The following PDZRN3 variants were observed in gnomAD, a reference collection of about 807,000 sequenced individuals.
PDZRN3 encodes the protein E3 ubiquitin-protein ligase PDZRN3.
Under a neutral mutation model 85.7 loss-of-function variants are expected in PDZRN3, and 38 were observed. The observed-to-expected ratio is 0.44, with a 90% CI of 0.34 to 0.58. The LOEUF is 0.58. Ranked by LOEUF, PDZRN3 falls within the 20% of genes least tolerant of loss-of-function variation. The pLI, the probability that PDZRN3 is intolerant of heterozygous loss-of-function variation, is 0.01. For synonymous variants in PDZRN3, 759 were observed against 638.0 expected (o/e 1.19, Z -2.86); for missense variants, 1,629 against 1,506.4 (o/e 1.08, Z -1.35).
intron 3 of PDZRN3, among the ~76,000 whole-genome samples, chr3:73,452,860 T>TGC (rs1241271113): frequency 2.0e-5 from 3 of 151,786 alleles, no homozygotes; most frequent in African/African-American, 7.3e-5. Flanking sequence ...TGTGTGTGTG[T>TGC]GTGTGTGTGT....
intron 1 of PDZRN3, among the ~76,000 whole-genome samples, chr3:73,609,095 A>G (rs1025682311): frequency 1.3e-5 from 2 of 152,176 alleles, no homozygotes; most frequent in African/African-American, 2.4e-5. Context: ...AAAGGTTCAA[A>G]TAGCAATTCT....
At chr3:73,458,580 C>G (rs749098744) in intron 3 of PDZRN3, among the ~76,000 whole-genome samples, 1 of 148,764 alleles carries the variant, frequency 6.7e-6, no homozygotes, top group Non-Finnish European at 1.5e-5. Flanking sequence ...AGGAAACTGA[C>G]CTGCATGATC....
At chr3:73,448,648 GA>G (rs1387399924) in intron 3 of PDZRN3, among the ~76,000 whole-genome samples, 1 of 152,034 alleles carries the variant, frequency 6.6e-6, no homozygotes, top group Admixed American at 6.6e-5. Flanking sequence ...TTATTTAATA[GA>G]AGCTTCACAA....
Position 73,479,980 on chromosome 3 carries a change from C to G in PDZRN3, c.919-75585G>C, listed in dbSNP as rs980671854. Among the ~76,000 whole-genome samples the G allele has an allele frequency of 6.4e-5, 9 of 140,200 alleles. No homozygotes were observed. The South Asian group carries it at 2.3e-3, about 36-fold the overall frequency. The allele number at this position is 140,200 out of a possible 152,430, so 92.0% of individuals were successfully genotyped here. ...CAATTTCCAATACAGATACAGGCACCAGGTGTTCCAATAAACTCTTTTGTT... is the reference window on the plus strand; with the variant it reads ...CAATTTCCAATACAGATACAGGCACGAGGTGTTCCAATAAACTCTTTTGTT... On this transcript the variant is annotated intron_variant, in intron 3 of 9. Transcript: ENST00000263666.
intron 8 of PDZRN3, 124 bp downstream of exon 8, chr3:73,387,844 T>G: frequency 1.6e-6 from 1 of 609,308 alleles, no homozygotes. Context: ...CAAGTTTGAT[T>G]ACATTTCCAG....
intron 3 of PDZRN3, among the ~76,000 whole-genome samples, chr3:73,539,414 A>G (rs1704862722): frequency 1.3e-5 from 2 of 152,148 alleles, no homozygotes; most frequent in African/African-American, 4.8e-5. Context: ...CAAGAGGTGG[A>G]ATCGATTTCC....
At chr3:73,594,959 CA>C (rs1044349942) in intron 3 of PDZRN3, among the ~76,000 whole-genome samples, 26 of 152,224 alleles carry the variant, frequency 1.7e-4, no homozygotes, top group African/African-American at 5.5e-4. Flanking sequence ...CCAGAGATAG[CA>C]AATACACAGC....
intron 3 of PDZRN3, among the ~76,000 whole-genome samples, chr3:73,539,877 GATTA>G (rs910874703): frequency 2.0e-5 from 3 of 151,946 alleles, no homozygotes; most frequent in Non-Finnish European, 4.4e-5. Flanking sequence ...CAACTTTTAA[GATTA>G]ATTTAAAAAG....
rs551328165 is a variant in PDZRN3 at position 73,571,039 on chromosome 3, G to T, written c.918+31315C>A. On this transcript the variant is annotated intron_variant, in intron 3 of 9. Transcript: ENST00000263666. Reference sequence around the variant, plus strand: ...TACCATGGAAGCCCTACATTAAAAAGCATGATTATATGCTGCTCAGTGTAT... The same window carrying T: ...TACCATGGAAGCCCTACATTAAAAATCATGATTATATGCTGCTCAGTGTAT... Among the ~76,000 whole-genome samples the T allele has an allele frequency of 5.3e-5, 8 of 152,228 alleles. No homozygotes were observed. The East Asian group carries it at 1.5e-3, about 29-fold the overall frequency.
intron 3 of PDZRN3, among the ~76,000 whole-genome samples, chr3:73,576,486 T>G (rs1165432704): frequency 6.6e-6 from 1 of 152,156 alleles, no homozygotes; most frequent in Non-Finnish European, 1.5e-5. Context: ...GGACTTTACA[T>G]GTACTTTTTC....
intron 8 of PDZRN3, among the ~76,000 whole-genome samples, chr3:73,386,739 T>C (rs1447647338): frequency 6.6e-6 from 1 of 152,244 alleles, no homozygotes; most frequent in Non-Finnish European, 1.5e-5. Flanking sequence ...AAACATTTAC[T>C]ATCTGGCCCT....
chr3:73,570,073 C>T (rs1033272808), intron 3 of PDZRN3, among the ~76,000 whole-genome samples: 3 of 152,146 alleles, frequency 2.0e-5, no homozygotes, highest in Non-Finnish European at 2.9e-5. Flanking sequence ...TATACTACCC[C>T]GCTGACACAT....
At chr3:73,432,426 G>A (rs1320895600) in intron 3 of PDZRN3, among the ~76,000 whole-genome samples, 1 of 152,150 alleles carries the variant, frequency 6.6e-6, no homozygotes, top group Non-Finnish European at 1.5e-5. Flanking sequence ...CTTGTTTTTT[G>A]TAAGATATGT....
At chr3:73,593,399 T>G (rs921059697) in intron 3 of PDZRN3, among the ~76,000 whole-genome samples, 1 of 152,130 alleles carries the variant, frequency 6.6e-6, no homozygotes, top group Non-Finnish European at 1.5e-5. Flanking sequence ...GATTTAAAAC[T>G]TCTGTGGAGT....
At chr3:73,443,591 T>C (rs1045826122) in intron 3 of PDZRN3, among the ~76,000 whole-genome samples, 1 of 149,234 alleles carries the variant, frequency 6.7e-6, no homozygotes, top group African/African-American at 2.5e-5. Flanking sequence ...GCTCAAGCTA[T>C]CCTCCTGCCT....
At chr3:73,429,077 TTC>T (rs879580500) in intron 3 of PDZRN3, among the ~76,000 whole-genome samples, 5 of 152,026 alleles carry the variant, frequency 3.3e-5, no homozygotes, top group Non-Finnish European at 7.4e-5. Flanking sequence ...TTAAATTTCT[TTC>T]TTTTTTTCTT....
At chr3:73,502,966 G>A (rs748679009) in intron 3 of PDZRN3, among the ~76,000 whole-genome samples, 1 of 152,186 alleles carries the variant, frequency 6.6e-6, no homozygotes, top group African/African-American at 2.4e-5. Context: ...GCAAGAGACA[G>A]GTGTGAAAAC....
chr3:73,597,521 T>C (rs991632865), intron 3 of PDZRN3, among the ~76,000 whole-genome samples: 3 of 152,138 alleles, frequency 2.0e-5, no homozygotes, highest in Non-Finnish European at 4.4e-5. Flanking sequence ...TCAAGATTGC[T>C]AGCTCAAAGC....
intron 3 of PDZRN3, among the ~76,000 whole-genome samples, chr3:73,464,885 C>T (rs1295420595): frequency 6.6e-6 from 1 of 151,876 alleles, no homozygotes; most frequent in Admixed American, 6.6e-5. Flanking sequence ...TACTTAAAAC[C>T]TACTCTCTTA....
Sources: gnomAD v4.1 joint callset for allele counts (sites outside exome capture counted in the v4.1 genomes callset) on GRCh38, gnomAD v4.1.1 for gene constraint, MANE v1.5 for transcripts, NCBI Gene and HGNC (gene_info 2026-07-23, HGNC 2026-07-21) for gene names.